PPM1G: variants seen among roughly 807,000 people sequenced by gnomAD.
The protein encoded by PPM1G is protein phosphatase 1G.
PPM1G carries 12 observed loss-of-function variants against 59.4 expected under a neutral mutation model. The ratio of observed to expected loss-of-function variants is 0.20; its 90% CI spans 0.13 to 0.33. The LOEUF (loss-of-function observed/expected upper bound fraction) is 0.33, where lower values mean the gene tolerates loss of function less well. Ranked by LOEUF, PPM1G falls within the 10% of genes least tolerant of loss-of-function variation. The probability of loss-of-function intolerance (pLI) is 1.00; values close to 1 mark genes in which losing one functional copy is unlikely to be tolerated. For missense variants in PPM1G, 392 were observed against 681.3 expected, an observed-to-expected ratio of 0.58 and a Z score of 4.73; for synonymous variants, 245 against 251.9, an observed-to-expected ratio of 0.97 and a Z score of 0.26.
intron 1 of PPM1G, among the ~76,000 whole-genome samples, chr2:27,403,011 G>C (rs925473582): frequency 1.3e-5 from 2 of 151,754 alleles, no homozygotes; most frequent in Admixed American, 6.6e-5. Context: ...GCTATGCAGT[G>C]AACTATGATC....
intron 1 of PPM1G, among the ~76,000 whole-genome samples, chr2:27,388,178 AG>A (rs1393869602): frequency 6.6e-6 from 1 of 151,994 alleles, no homozygotes; most frequent in East Asian, 2.0e-4. Flanking sequence ...TGGGAGGCTA[AG>A]GCCGGCAGAT....
intron 1 of PPM1G, among the ~76,000 whole-genome samples, chr2:27,390,321 A>G (rs972421845): frequency 2.6e-5 from 4 of 152,178 alleles, no homozygotes; most frequent in Non-Finnish European, 5.9e-5. Flanking sequence ...CAACTGGCCA[A>G]ACACAGAAAT....
chr2:27,383,000 ATTT>A lies in PPM1G; in HGVS notation c.1201+363_1201+365del, dbSNP rs751024396. ...ACTACCATGCCCAGCTAATTTTTGTATTTTTTTTTTTTTTTAGTAGAGATGGGG... is the reference window on the plus strand; with the variant it reads ...ACTACCATGCCCAGCTAATTTTTGTATTTTTTTTTTTTAGTAGAGATGGGG... On this transcript the variant is annotated intron_variant, in intron 7 of 9. Coordinates refer to ENST00000344034, the MANE Select transcript of PPM1G (RefSeq NM_177983.3). This position sits in a 1 kb window ranked among gnomAD's most constrained non-coding sequence, Gnocchi z 4.2. Among the ~76,000 whole-genome samples the A allele has an allele frequency of 7.6e-6, 1 of 131,204 alleles. No individual in the cohort carries two copies. Among genetic ancestry groups the A allele is most frequent in the Non-Finnish European group, 1.7e-5 (1 of 60,146 alleles). The allele number at this position is 131,204 out of a possible 152,430, so 86.1% of individuals were successfully genotyped here. A position where few individuals can be genotyped will look rare whatever the true frequency, so the allele number is the denominator to read the frequency against.
At chr2:27,400,942 G>T (rs1445951432) in intron 1 of PPM1G, among the ~76,000 whole-genome samples, 1 of 152,198 alleles carries the variant, frequency 6.6e-6, no homozygotes, top group African/African-American at 2.4e-5. Flanking sequence ...TGAGGTCAAG[G>T]ATACACAGCA....
At chr2:27,390,984 C>T (rs749883354) in intron 1 of PPM1G, among the ~76,000 whole-genome samples, 28 of 152,230 alleles carry the variant, frequency 1.8e-4, no homozygotes, top group Non-Finnish European at 4.1e-4. Context: ...CCTCCAGCTA[C>T]ATTCATGTTG....
intron 1 of PPM1G, among the ~76,000 whole-genome samples, chr2:27,406,561 T>C (rs1013090316): frequency 5.3e-5 from 8 of 152,160 alleles, no homozygotes; most frequent in African/African-American, 1.9e-4. Flanking sequence ...GGAGGAAGAT[T>C]AGGATGTAAG....
chr2:27,403,550 G>A (rs1474441168), intron 1 of PPM1G, among the ~76,000 whole-genome samples: 2 of 152,154 alleles, frequency 1.3e-5, no homozygotes, highest in African/African-American at 2.4e-5. Context: ...CTAATCAAAT[G>A]CAAATAATGC....
chr2:27,392,679 G>T, intron 1 of PPM1G: 2 of 711,400 alleles, frequency 2.8e-6, no homozygotes, highest in Non-Finnish European at 2.5e-6. Flanking sequence ...TTAAGTGGGT[G>T]TCTTGGAACA....
intron 1 of PPM1G, among the ~76,000 whole-genome samples, chr2:27,392,381 G>A (rs141414774): frequency 7.1e-6 from 1 of 140,680 alleles, no homozygotes; most frequent in Non-Finnish European, 1.5e-5. Flanking sequence ...TACAACCTCC[G>A]CAGCCCAGGT....
chr2:27,396,195 C>T (rs1052613687), intron 1 of PPM1G, among the ~76,000 whole-genome samples: 5 of 151,838 alleles, frequency 3.3e-5, no homozygotes, highest in African/African-American at 1.2e-4. Flanking sequence ...TCACTTGAAC[C>T]TGGGAGGTGG....
At chr2:27,407,654 A>G (rs1009328110) in intron 1 of PPM1G, among the ~76,000 whole-genome samples, 5 of 152,188 alleles carry the variant, frequency 3.3e-5, no homozygotes, top group Admixed American at 3.3e-4. Context: ...AGTTTGACAT[A>G]GATGATTAAC....
chr2:27,390,753 TC>T (rs1683880330), intron 1 of PPM1G, among the ~76,000 whole-genome samples: 1 of 152,172 alleles, frequency 6.6e-6, no homozygotes, highest in African/African-American at 2.4e-5. Context: ...TGAACCCGTT[TC>T]CCAGGTGCTG....
intron 1 of PPM1G, among the ~76,000 whole-genome samples, chr2:27,389,356 G>GATTC: frequency 6.6e-6 from 1 of 151,910 alleles, no homozygotes. Context: ...CCACAATAAA[G>GATTC]ATTCGTCTTA....
At chr2:27,393,289 G>C in intron 1 of PPM1G, 2 of 1,597,720 alleles carry the variant, frequency 1.3e-6, no homozygotes, top group African/African-American at 1.3e-5. Context: ...TAGAGCTCCA[G>C]GTTGATCTGG....
In PPM1G at chr2:27,385,963, A is replaced by G; in HGVS notation, c.277-84T>C. ...TGAGCACAAGGATGGAATACAAATT[A>G]AGAGTGTGAGCCACCACACTAAGAG... is the stretch of plus-strand genomic sequence containing the variant. On this transcript the variant is annotated intron_variant, in intron 3 of 9. Coordinates refer to ENST00000344034, the MANE Select transcript of PPM1G (RefSeq NM_177983.3). The surrounding 1 kb of genome is among the most constrained non-coding windows in gnomAD (Gnocchi z 4.1). The G allele has an allele frequency of 6.7e-7, 1 of 1,486,176 alleles. No individual in the cohort carries two copies. The highest frequency in any genetic ancestry group is 2.3e-5 in the East Asian group (1 of 43,384). The allele number at this position is 1,486,176 out of a possible 1,614,324, so 92.1% of individuals were successfully genotyped here.
intron 1 of PPM1G, among the ~76,000 whole-genome samples, chr2:27,398,146 T>C (rs1282197432): frequency 6.6e-6 from 1 of 152,220 alleles, no homozygotes; most frequent in East Asian, 1.9e-4. Context: ...AGTGTATTAC[T>C]GGCATAGGGA....
chr2:27,392,286 G>GTTTTTT lies in PPM1G; in HGVS notation c.121-5134_121-5129dup, dbSNP rs70953857. Among the ~76,000 whole-genome samples the GTTTTTT allele has an allele frequency of 5.4e-3, 378 of 70,178 alleles. 4 individuals are homozygous for GTTTTTT. The highest frequency in any genetic ancestry group is 7.1e-3 in the African/African-American group (115 of 16,204). 46.0% of individuals were successfully genotyped at this position (70,178 alleles called of 152,430 possible). On this transcript the variant is annotated intron_variant, in intron 1 of 9. Transcript: ENST00000344034. ...TTACTTTGTTTTGTTGGTTTGTTTT[G>GTTTTTT]TTTTTTTTTTTTTTTTTTTTTTTTG... is the stretch of plus-strand genomic sequence containing the variant.
intron 9 of PPM1G, 70 bp from the exon 10 acceptor site, chr2:27,381,875 G>A (rs571137835): frequency 6.6e-7 from 1 of 1,512,814 alleles, no homozygotes; most frequent in East Asian, 2.3e-5. Flanking sequence ...AGTCCCACAA[G>A]AGGGCTGGCT....
At chr2:27,392,667 A>G in intron 1 of PPM1G, 1 of 681,626 alleles carries the variant, frequency 1.5e-6, no homozygotes, top group Non-Finnish European at 2.6e-6. Flanking sequence ...AAATCAAAGA[A>G]CTTAAGTGGG....
Sources: gnomAD v4.1 joint callset for allele counts (sites outside exome capture counted in the v4.1 genomes callset) on GRCh38, gnomAD v4.1.1 for gene constraint, Gnocchi (gnomAD v3.1) non-coding constraint, MANE v1.5 for transcripts, NCBI Gene and HGNC (gene_info 2026-07-23, HGNC 2026-07-21) for gene names.